Variants in RNF144A observed in about 807,000 individuals in gnomAD.
The protein encoded by RNF144A is ring finger protein 144A, also known as E3 ubiquitin-protein ligase RNF144A.
In RNF144A, 11 loss-of-function variants were observed where a neutral mutation model predicts 38.7. That is an observed-to-expected ratio of 0.28 (90% CI 0.18 to 0.47). The LOEUF (loss-of-function observed/expected upper bound fraction) is 0.47. RNF144A is among the 20% of genes least tolerant of loss of function. The probability of loss-of-function intolerance (pLI) is 0.99; values close to 1 mark genes in which losing one functional copy is unlikely to be tolerated. For missense variants in RNF144A, 316 were observed against 377.2 expected, an observed-to-expected ratio of 0.84 and a Z score of 1.34; for synonymous variants, 149 against 143.9, an observed-to-expected ratio of 1.04 and a Z score of -0.25.
intron 7 of RNF144A, among the ~76,000 whole-genome samples, chr2:7,029,599 G>A (rs1672145849): frequency 6.6e-6 from 1 of 152,220 alleles, no homozygotes; most frequent in Admixed American, 6.5e-5. Flanking sequence ...CGCTTTCTAG[G>A]TGAGAAGCCC....
At chr2:7,009,482 G>T (rs939834999) in intron 3 of RNF144A, among the ~76,000 whole-genome samples, 2 of 151,524 alleles carry the variant, frequency 1.3e-5, no homozygotes, top group Admixed American at 1.3e-4. Flanking sequence ...ACAGAAGCAA[G>T]AACTCATATA....
In RNF144A at chr2:7,033,814, C is replaced by G. The variant is rs143094128; in HGVS notation, c.747+3599C>G. On this transcript the variant is annotated intron_variant, in intron 8 of 8. Coordinates refer to ENST00000320892, the MANE Select transcript of RNF144A (RefSeq NM_014746.6). Reference sequence around the variant, plus strand: ...CCTGTTTTGCTCATCTTTGTAACCTCTTTGGCACTGGTCCTGTGCCTGGGG... The same window carrying G: ...CCTGTTTTGCTCATCTTTGTAACCTGTTTGGCACTGGTCCTGTGCCTGGGG... Among the ~76,000 whole-genome samples, 29 of 152,354 alleles carry G rather than the reference C, an allele frequency of 1.9e-4. No individual in the cohort carries two copies. The South Asian group carries it at 2.3e-3, about 12-fold the overall frequency.
downstream of RNF144A, among the ~76,000 whole-genome samples, chr2:7,072,274 T>C (rs1674512962): frequency 6.6e-6 from 1 of 152,212 alleles, no homozygotes; most frequent in Non-Finnish European, 1.5e-5. Context: ...TGCTATAGAA[T>C]GGCAGAAGGG....
intron 2 of RNF144A, among the ~76,000 whole-genome samples, chr2:6,952,112 T>A (rs951058182): frequency 2.6e-5 from 4 of 152,218 alleles, no homozygotes; most frequent in Admixed American, 6.5e-5. Flanking sequence ...TTTTTAATCA[T>A]AAATACATGT....
intron 6 of RNF144A, among the ~76,000 whole-genome samples, chr2:7,051,755 G>A (rs931550094): frequency 2.0e-5 from 3 of 152,208 alleles, no homozygotes; most frequent in Non-Finnish European, 2.9e-5. Context: ...TGGGCATGGC[G>A]GTGGGTGCCT....
At chr2:7,022,061 G>T (rs1671570063) in intron 6 of RNF144A, among the ~76,000 whole-genome samples, 1 of 152,234 alleles carries the variant, frequency 6.6e-6, no homozygotes, top group Non-Finnish European at 1.5e-5. Flanking sequence ...CCTCTCCGAG[G>T]CTGCCTCCCC....
intron 7 of RNF144A, among the ~76,000 whole-genome samples, chr2:7,028,719 G>C (rs897300834): frequency 6.6e-5 from 10 of 152,226 alleles, no homozygotes; most frequent in Admixed American, 2.6e-4. Flanking sequence ...GTTCAAGGAG[G>C]AGAGAGCTCA....
At chr2:6,968,301 G>C (rs142561896) in intron 2 of RNF144A, among the ~76,000 whole-genome samples, 254 of 152,356 alleles carry the variant, frequency 1.7e-3, no homozygotes, top group African/African-American at 5.7e-3. Flanking sequence ...TGCAGGATGA[G>C]TTGCAAGTTA....
intron 2 of RNF144A, among the ~76,000 whole-genome samples, chr2:6,988,757 T>C (rs949557061): frequency 6.6e-6 from 1 of 151,980 alleles, no homozygotes. Context: ...TACAGCCCAC[T>C]TCAGAATGAG....
chr2:6,926,102 C>T (rs1231636010), intron 1 of RNF144A, among the ~76,000 whole-genome samples: 1 of 152,196 alleles, frequency 6.6e-6, no homozygotes, highest in Non-Finnish European at 1.5e-5. Flanking sequence ...TTACTGAGAG[C>T]CAGGTTCTCT....
At chr2:7,074,789 A>C in the RNF144A span, 1 of 153,952 alleles carries the variant, frequency 6.5e-6, no homozygotes, top group Non-Finnish European at 1.5e-5. Flanking sequence ...GGAAGGAAGG[A>C]AGGAAAAAAG....
At chr2:7,022,613 A>T (rs1039640392) in intron 6 of RNF144A, among the ~76,000 whole-genome samples, 2 of 152,230 alleles carry the variant, frequency 1.3e-5, no homozygotes, top group Admixed American at 6.5e-5. Context: ...GTCACATGAG[A>T]AAATTGGTTT....
chr2:6,981,877 GA>G (rs1246470427), intron 2 of RNF144A, among the ~76,000 whole-genome samples: 2 of 152,140 alleles, frequency 1.3e-5, no homozygotes, highest in African/African-American at 4.8e-5. Flanking sequence ...AATTTATGAA[GA>G]AAAAAGATTT....
intron 2 of RNF144A, among the ~76,000 whole-genome samples, chr2:6,980,621 G>A (rs1004580148): frequency 3.3e-5 from 5 of 152,308 alleles, no homozygotes; most frequent in East Asian, 3.9e-4. Flanking sequence ...GGGTACAGCC[G>A]CTGCAGCTGC....
chr2:6,989,700 C>T (rs1558409670), intron 2 of RNF144A, among the ~76,000 whole-genome samples: 1 of 151,936 alleles, frequency 6.6e-6, no homozygotes, highest in Non-Finnish European at 1.5e-5. Flanking sequence ...CAGTGTCATA[C>T]AGAATAGTTT....
chr2:6,991,378 C>T (rs1014285191), intron 2 of RNF144A, among the ~76,000 whole-genome samples: 10 of 152,172 alleles, frequency 6.6e-5, no homozygotes, highest in Admixed American at 6.5e-5. Context: ...CTGACAGCTC[C>T]GTATTATGAA....
intron 2 of RNF144A, among the ~76,000 whole-genome samples, chr2:6,981,599 C>G (rs1028005219): frequency 2.0e-4 from 30 of 152,200 alleles, no homozygotes; most frequent in African/African-American, 5.1e-4. Flanking sequence ...CCATCTGAGA[C>G]CACCTCAGCC....
chr2:6,945,466 G>T (rs1666275479), intron 2 of RNF144A, among the ~76,000 whole-genome samples: 1 of 152,200 alleles, frequency 6.6e-6, no homozygotes, highest in East Asian at 1.9e-4. Flanking sequence ...TGTTAAGTCA[G>T]TCTGTTGCTG....
rs537678702 is a variant in RNF144A at position 6,941,840 on chromosome 2, C to T, written c.-12+693C>T. On this transcript the variant is annotated intron_variant, in intron 2 of 8. Coordinates refer to ENST00000320892, the MANE Select transcript of RNF144A (RefSeq NM_014746.6). This position sits in a 1 kb window ranked among gnomAD's most constrained non-coding sequence, Gnocchi z 6.5. Reference sequence around the variant, plus strand: ...CAGAAGGGCTGGTGGCTGCAGCATACGGACAGCTGGAGGAGCACCCAGGCC... The same window carrying T: ...CAGAAGGGCTGGTGGCTGCAGCATATGGACAGCTGGAGGAGCACCCAGGCC... Among the ~76,000 whole-genome samples the T allele has an allele frequency of 3.3e-5, 5 of 152,334 alleles. No individual in the cohort carries two copies. Among genetic ancestry groups the T allele is most frequent in the East Asian group, 3.9e-4 (2 of 5,178 alleles).
Sources: allele counts gnomAD v4.1 joint callset (sites outside exome capture counted in the v4.1 genomes callset), GRCh38; gene constraint gnomAD v4.1.1; non-coding constraint Gnocchi (gnomAD v3.1); transcripts MANE v1.5; gene names NCBI Gene and HGNC (gene_info 2026-07-23, HGNC 2026-07-21).